Variants in ARHGAP6 observed in about 807,000 individuals in gnomAD.
ARHGAP6 encodes rho GTPase-activating protein 6.
Under a neutral mutation model 55.7 loss-of-function variants are expected in ARHGAP6, and 16 were observed. The observed-to-expected ratio is 0.29, with a 90% CI of 0.19 to 0.44. ARHGAP6 has a LOEUF of 0.44. ARHGAP6 is among the 20% of genes least tolerant of loss of function. The pLI is 1.00. For synonymous variants in ARHGAP6, 382 were observed against 360.9 expected (o/e 1.06, Z -0.66); for missense variants, 698 against 808.9 (o/e 0.86, Z 1.66).
intron 1 of ARHGAP6, among the ~76,000 whole-genome samples, chrX:11,286,707 C>T (rs1418016813): frequency 2.7e-5 from 3 of 112,040 alleles, no homozygotes; most frequent in African/African-American, 9.7e-5. Context: ...AGGTAGAGGC[C>T]AGGGATGCTG....
chrX:11,534,243 T>G (rs888536183), intron 1 of ARHGAP6, among the ~76,000 whole-genome samples: 4 of 111,809 alleles, frequency 3.6e-5, no homozygotes, highest in African/African-American at 1.3e-4. Flanking sequence ...AGGTGCTTGC[T>G]GTACTGCCTG....
intron 3 of ARHGAP6, among the ~76,000 whole-genome samples, chrX:11,191,886 C>T (rs2046466553): frequency 8.9e-6 from 1 of 111,996 alleles, no homozygotes; most frequent in Non-Finnish European, 1.9e-5. Context: ...TTCTCTACCT[C>T]TCTGGCTACA....
At position 11,138,355 on chromosome X, in the gene ARHGAP6, G is replaced by A. The variant is rs1299415234; in HGVS notation, c.*508C>T. The A allele has an allele frequency of 1.8e-5, 2 of 112,882 alleles. No individual in the cohort carries two copies. The highest frequency in any genetic ancestry group is 6.5e-5 in the African/African-American group (2 of 30,760). The allele number at this position is 112,882 out of a possible 1,213,427, so 9.3% of individuals were successfully genotyped here. ...GGTTATCCCCAGTTATAAAGCTATGGCAAAAGCACAGAAACCCGCTTGTGC... is the reference window on the plus strand; with the variant it reads ...GGTTATCCCCAGTTATAAAGCTATGACAAAAGCACAGAAACCCGCTTGTGC... On this transcript the variant is annotated 3_prime_UTR_variant, in exon 13 of 13. Coordinates refer to ENST00000337414, the MANE Select transcript of ARHGAP6 (RefSeq NM_013427.3).
chrX:11,511,126 G>T (rs1004980886), intron 1 of ARHGAP6, among the ~76,000 whole-genome samples: 1 of 112,198 alleles, frequency 8.9e-6, no homozygotes, highest in African/African-American at 3.2e-5. Flanking sequence ...TACAGGAAAT[G>T]AGCATAATTA....
At chrX:11,624,185 A>G (rs1343397966) in intron 1 of ARHGAP6, among the ~76,000 whole-genome samples, 2 of 112,464 alleles carry the variant, frequency 1.8e-5, no homozygotes, top group African/African-American at 3.2e-5. Flanking sequence ...AGAAGAATGA[A>G]ACTAGACCCC....
At chrX:11,226,186 C>T (rs2047045789) in intron 2 of ARHGAP6, among the ~76,000 whole-genome samples, 1 of 102,449 alleles carries the variant, frequency 9.8e-6, no homozygotes, top group Non-Finnish European at 2.0e-5. Flanking sequence ...TGTTCCCCTT[C>T]CTGTGTCCAT....
chrX:11,531,036 G>A (rs996761950), intron 1 of ARHGAP6, among the ~76,000 whole-genome samples: 2 of 111,951 alleles, frequency 1.8e-5, no homozygotes, highest in Non-Finnish European at 3.8e-5. Flanking sequence ...ACACGTTAAG[G>A]CTTAAATGTG....
At chrX:11,618,824 A>T (rs1417278086) in intron 1 of ARHGAP6, among the ~76,000 whole-genome samples, 1 of 112,180 alleles carries the variant, frequency 8.9e-6, no homozygotes, top group Non-Finnish European at 1.9e-5. Flanking sequence ...CAAGGAAAAG[A>T]CATTTTACAT....
At chrX:11,323,139 T>G (rs761603912) in intron 1 of ARHGAP6, among the ~76,000 whole-genome samples, 46 of 112,307 alleles carry the variant, frequency 4.1e-4, no homozygotes, top group Non-Finnish European at 7.5e-4. Context: ...ATGTGGAATA[T>G]TACAGAAATA....
intron 9 of ARHGAP6, among the ~76,000 whole-genome samples, chrX:11,165,150 A>T (rs891454738): frequency 3.6e-5 from 4 of 110,879 alleles, no homozygotes; most frequent in African/African-American, 9.8e-5. Flanking sequence ...ACAAAAATAC[A>T]TTTTTTTTCT....
rs143522966 is a variant in ARHGAP6, at chrX:11,339,459, C to T, written c.589-84752G>A. Among the ~76,000 whole-genome samples the T allele has an allele frequency of 5.5e-3, 605 of 110,539 alleles. 1 individual carries two copies. Among genetic ancestry groups the T allele is most frequent in the Non-Finnish European group, 8.4e-3 (443 of 52,903 alleles). On this transcript the variant is annotated intron_variant, in intron 1 of 12. Transcript: ENST00000337414. ...GTACTGAGGTCCCTTAAATTTTACA[C>T]ATATCTGTGTGACTACTGCCAGCCT...
At chrX:11,230,823 A>C (rs933921607) in intron 2 of ARHGAP6, among the ~76,000 whole-genome samples, 2 of 110,900 alleles carry the variant, frequency 1.8e-5, no homozygotes, top group Non-Finnish European at 3.8e-5. Context: ...ATTGATCTGA[A>C]GGTCTAGAGA....
chrX:11,456,616 G>T (rs1204906116), intron 1 of ARHGAP6, among the ~76,000 whole-genome samples: 1 of 111,256 alleles, frequency 9.0e-6, no homozygotes, highest in Non-Finnish European at 1.9e-5. Flanking sequence ...GCCCACTGAT[G>T]CCTCCTTGGG....
At chrX:11,297,994 G>T in intron 1 of ARHGAP6, 4 of 779,202 alleles carry the variant, frequency 5.1e-6, no homozygotes, top group Non-Finnish European at 5.9e-6. Context: ...AATAATACTT[G>T]CCTCCTAGCA....
At chrX:11,254,518 T>G in intron 2 of ARHGAP6, 30 bp downstream of exon 2, 1 of 1,200,277 alleles carries the variant, frequency 8.3e-7, no homozygotes, top group African/African-American at 1.7e-5. Context: ...CTTGCAGTGT[T>G]CCCCGGCAGA....
chrX:11,229,418 T>C (rs1479159517), intron 2 of ARHGAP6, among the ~76,000 whole-genome samples: 4 of 112,293 alleles, frequency 3.6e-5, no homozygotes, highest in African/African-American at 1.3e-4. Flanking sequence ...CCCCTCAGCA[T>C]TGATTCAAAG....
intron 2 of ARHGAP6, among the ~76,000 whole-genome samples, chrX:11,214,892 G>A (rs1255693963): frequency 4.4e-5 from 5 of 113,411 alleles, no homozygotes; most frequent in Non-Finnish European, 7.5e-5. Flanking sequence ...GTGGGGAGGC[G>A]GGGAAAGCCG....
In ARHGAP6 at chrX:11,404,657, G is replaced by C. The variant is rs1405834387; in HGVS notation, c.589-149950C>G. On this transcript the variant is annotated intron_variant, in intron 1 of 12. Transcript: ENST00000337414. ...TTCTAATCTAGAGCTCAAAGAAAAT[G>C]TGGCCAAAGGATACTGCTTTGGGTA... 2.7e-5 allele frequency among the ~76,000 whole-genome samples: 3 copies of C among 111,461 alleles called. No individual in the cohort carries two copies. The East Asian group carries it at 8.5e-4, about 31-fold the overall frequency.
In ARHGAP6 at chrX:11,174,545, C is replaced by T. The variant is rs1273726629; in HGVS notation, c.1629+3555G>A. Among the ~76,000 whole-genome samples the T allele has an allele frequency of 5.6e-4, 43 of 77,179 alleles. 3 individuals carry two copies. The South Asian group carries it at 0.033, about 59-fold the overall frequency. 67.0% of individuals were successfully genotyped at this position (77,179 alleles called of 115,157 possible). A position where few individuals can be genotyped will look rare whatever the true frequency, so the allele number is the denominator to read the frequency against. On this transcript the variant is annotated intron_variant, in intron 8 of 12. Transcript: ENST00000337414. The stretch of plus-strand genomic sequence containing the variant: ...TCCTTCCTTCCTTCCTTCCTTCCTT[C>T]CTTCCTTCCTTCCTTCCTTCCTTCC...
Sources: gnomAD v4.1 joint callset for allele counts (sites outside exome capture counted in the v4.1 genomes callset) on GRCh38, gnomAD v4.1.1 for gene constraint, MANE v1.5 for transcripts, NCBI Gene and HGNC (gene_info 2026-07-23, HGNC 2026-07-21) for gene names.